The following PACS2 variants were observed in gnomAD, a reference collection of about 807,000 sequenced individuals.
The protein encoded by PACS2 is PACS1-like protein.
In PACS2, 36 loss-of-function variants were observed where a neutral mutation model predicts 113.0. The ratio of observed to expected loss-of-function variants is 0.32; its 90% confidence interval spans 0.24 to 0.42. PACS2 has a LOEUF of 0.42. Among genes scored for constraint, PACS2 ranks in the 10% least tolerant of loss-of-function variants. The probability of loss-of-function intolerance (pLI) is 1.00; values close to 1 mark genes in which losing one functional copy is unlikely to be tolerated. For missense variants in PACS2, 1,015 were observed against 1,239.5 expected, an observed-to-expected ratio of 0.82 and a Z score of 2.72; for synonymous variants, 589 against 536.1, an observed-to-expected ratio of 1.10 and a Z score of -1.36.
At chr14:105,359,752 T>C (rs896181393) in intron 4 of PACS2, among the ~76,000 whole-genome samples, 1 of 152,000 alleles carries the variant, frequency 6.6e-6, no homozygotes, top group Non-Finnish European at 1.5e-5. Flanking sequence ...CCACTACGCC[T>C]GGCTAATTTT....
Position 105,392,814 on chromosome 14 carries a change from G to T in PACS2, c.2451G>T (p.Met817Ile). 2 of 1,607,358 alleles carry T rather than the reference G, an allele frequency of 1.2e-6. No individual in the cohort carries two copies. Among genetic ancestry groups the T allele is most frequent in the South Asian group, 2.2e-5 (2 of 91,020 alleles). ...GEAAATPTMS[M>I]TVVTKEKNKK... ...CTGCAGCCACGCCCACCATGTCCAT[G>T]ACCGTGGTCACCAAGGAGAAGAACA... Residue 817 changes from methionine to isoleucine, a missense_variant, in exon 23 of 25, where the codon ATG becomes ATT. Transcript: ENST00000447393.
At chr14:105,391,477 C>T (rs1307086794) in intron 21 of PACS2, 154 bp from the exon 22 acceptor site, 6 of 724,788 alleles carry the variant, frequency 8.3e-6, no homozygotes, top group Admixed American at 2.7e-5. Flanking sequence ...GAGGAGAATC[C>T]GAGACCCTCC....
chr14:105,392,947 G>A (rs1037491996), intron 23 of PACS2, 102 bp downstream of exon 23: 14 of 943,372 alleles, frequency 1.5e-5, no homozygotes, highest in Non-Finnish European at 2.3e-5. Flanking sequence ...GGCTGGCCTC[G>A]GGCAGCCCAC....
At chr14:105,307,995 C>T (rs2058239157) in intron 1 of PACS2, among the ~76,000 whole-genome samples, 1 of 149,540 alleles carries the variant, frequency 6.7e-6, no homozygotes, top group African/African-American at 2.5e-5. Context: ...CCAGCCTGGG[C>T]AACAAAGTGA....
upstream of PACS2, among the ~76,000 whole-genome samples, chr14:105,314,065 A>G (rs1298323822): frequency 6.6e-6 from 1 of 152,260 alleles, no homozygotes; most frequent in Admixed American, 6.5e-5. Flanking sequence ...GGTCATCTGG[A>G]GCCCTGGAGG....
At position 105,360,392 on chromosome 14, in the gene PACS2, A is replaced by AG. The variant is rs1480139655; in HGVS notation, c.423+5215_423+5216insG. 2.0e-5 allele frequency among the ~76,000 whole-genome samples: 3 copies of AG among 152,104 alleles called. No homozygotes were observed. In the East Asian group the frequency reaches 5.8e-4, roughly 29 times the overall value. Reference sequence around the variant, plus strand: ...TCGTCTCTACTAAAAATACAAAAAAAAATTAGCCGGGCGTCGTGGCTCACA... The same window carrying AG: ...TCGTCTCTACTAAAAATACAAAAAAAGAATTAGCCGGGCGTCGTGGCTCACA... On this transcript the variant is annotated intron_variant, in intron 4 of 24. Coordinates refer to ENST00000447393, the MANE Select transcript of PACS2 (RefSeq NM_001100913.3).
At chr14:105,372,910 AAG>A (rs1349550931) in intron 8 of PACS2, 3 of 152,224 alleles carry the variant, frequency 2.0e-5, no homozygotes, top group African/African-American at 7.2e-5. Context: ...TCAAAAAAAA[AAG>A]AAAAAAGCCA....
At chr14:105,370,064 C>T (rs2061094888) in intron 8 of PACS2, 164 bp downstream of exon 8, 2 of 619,434 alleles carry the variant, frequency 3.2e-6, no homozygotes, top group African/African-American at 1.9e-5. Context: ...GACAGTGGCA[C>T]TGCCTCCCGG....
chr14:105,387,699 T>C (rs2081224578), intron 19 of PACS2, among the ~76,000 whole-genome samples: 1 of 152,246 alleles, frequency 6.6e-6, no homozygotes, highest in Non-Finnish European at 1.5e-5. Context: ...TGACGTCTCC[T>C]GCATTCGGCC....
Position 105,364,366 on chromosome 14 carries a change from C to T in PACS2, c.424-2847C>T, listed in dbSNP as rs1387530791. Among the ~76,000 whole-genome samples, 17 of 109,094 alleles carry T rather than the reference C, an allele frequency of 1.6e-4. No individual in the cohort carries two copies. The South Asian group carries it at 3.3e-3, about 21-fold the overall frequency. The allele number at this position is 109,094 out of a possible 152,430, so 71.6% of individuals were successfully genotyped here. On this transcript the variant is annotated intron_variant, in intron 4 of 24. Transcript: ENST00000447393. ...TGTGGTGGGCGGTGTCCCGGGTGCA[C>T]GGTGGGCGTCCCGGGTGCGCGGTGG... is the stretch of plus-strand genomic sequence containing the variant.
At chr14:105,344,581 C>T (rs2059850419) in intron 1 of PACS2, among the ~76,000 whole-genome samples, 1 of 151,994 alleles carries the variant, frequency 6.6e-6, no homozygotes, top group Non-Finnish European at 1.5e-5. Flanking sequence ...ATAGTATTTC[C>T]CAGTAGTCTG....
chr14:105,348,272 T>G lies in PACS2; in HGVS notation c.120-221T>G, dbSNP rs2060018273. ...AGGGGCCTTCAGGAGATGGGACCTC[T>G]GGCCCGGCAGCCAACGGATGCTGAG... is the stretch of plus-strand genomic sequence containing the variant. On this transcript the variant is annotated intron_variant, in intron 1 of 24. Transcript: ENST00000447393. This position sits in a 1 kb window ranked among gnomAD's most constrained non-coding sequence, Gnocchi z 6.4. Among the ~76,000 whole-genome samples, 1 of 152,152 alleles carries G rather than the reference T, an allele frequency of 6.6e-6. No homozygotes were observed. The highest frequency in any genetic ancestry group is 2.1e-4 in the South Asian group (1 of 4,834).
chr14:105,318,982 C>T (rs2058778083), intron 1 of PACS2, among the ~76,000 whole-genome samples: 1 of 149,666 alleles, frequency 6.7e-6, no homozygotes, highest in Non-Finnish European at 1.5e-5. Context: ...TTGAGAAGCT[C>T]TGTCGCCCAG....
At chr14:105,380,271 G>A (rs2080935617) in intron 11 of PACS2, 117 bp downstream of exon 11, 3 of 832,982 alleles carry the variant, frequency 3.6e-6, no homozygotes, top group South Asian at 1.6e-5. Flanking sequence ...CACACCTGGT[G>A]TGCAGAGGTG....
At chr14:105,338,520 C>T (rs2059610956) in intron 1 of PACS2, among the ~76,000 whole-genome samples, 1 of 152,178 alleles carries the variant, frequency 6.6e-6, no homozygotes. Flanking sequence ...CACCCCAGGT[C>T]CCTGGGGGCT....
rs1424206780 is a variant in PACS2 at position 105,376,841 on chromosome 14, C to T, written c.875C>T (p.Thr292Ile). The stretch of plus-strand genomic sequence containing the variant: ...GAGGACCTGGACCTCCTGTATGACA[C>T]CCTGGACATGGAGCACCCCAGCGAC... ...AEEDLDLLYD[T>I]LDMEHPSDSG... The change falls in exon 9 of 25, where the codon ACC becomes ATC. Residue 292 changes from threonine to isoleucine, a missense_variant. Coordinates refer to ENST00000447393, the MANE Select transcript of PACS2 (RefSeq NM_001100913.3). This position sits in a 1 kb window ranked among gnomAD's most constrained non-coding sequence, Gnocchi z 4.7. 1 of 1,613,104 alleles carries T rather than the reference C, an allele frequency of 6.2e-7. No individual in the cohort carries two copies. Among genetic ancestry groups the T allele is most frequent in the African/African-American group, 1.3e-5 (1 of 74,908 alleles).
chr14:105,383,783 G>T (rs2081077049), intron 16 of PACS2: 1 of 457,852 alleles, frequency 2.2e-6, no homozygotes, highest in Admixed American at 4.1e-5. Flanking sequence ...TCAAGATAAA[G>T]CCATCGCCCT....
chr14:105,314,553 G>A (rs1195166749), upstream of PACS2: 2 of 146,212 alleles, frequency 1.4e-5, no homozygotes, highest in East Asian at 4.0e-4. Flanking sequence ...GTGAGGCGCC[G>A]CCGGAGGAAG....
rs2140906204 is a variant in PACS2, at chr14:105,330,858, G to A, written c.119+15821G>A. Among the ~76,000 whole-genome samples the A allele has an allele frequency of 6.6e-6, 1 of 152,280 alleles. No homozygotes were observed. Among genetic ancestry groups the A allele is most frequent in the South Asian group, 2.1e-4 (1 of 4,828 alleles). On this transcript the variant is annotated intron_variant, in intron 1 of 24. Transcript: ENST00000447393. This position sits in a 1 kb window ranked among gnomAD's most constrained non-coding sequence, Gnocchi z 6.9. ...CCAATTCCATCTCTGTGCCAGCTGT[G>A]CCCCATGCAGCCTCTACCGGCATCT...
Sources: gnomAD v4.1 joint callset for allele counts (sites outside exome capture counted in the v4.1 genomes callset) on GRCh38, gnomAD v4.1.1 for gene constraint, Gnocchi (gnomAD v3.1) non-coding constraint, MANE v1.5 for transcripts, NCBI Gene and HGNC (gene_info 2026-07-23, HGNC 2026-07-21) for gene names.